The following FBXL13 variants were observed in gnomAD, a reference collection of about 807,000 sequenced individuals.
The protein encoded by FBXL13 is F-box and leucine-rich repeat protein 13.
Under a neutral mutation model 83.6 loss-of-function variants are expected in FBXL13, and 67 were observed. The observed-to-expected ratio is 0.80, with a 90% CI of 0.66 to 0.98. The LOEUF (loss-of-function observed/expected upper bound fraction) is 0.98, where lower values mean the gene tolerates loss of function less well. Ranked by LOEUF, FBXL13 falls within the 50% of genes least tolerant of loss-of-function variation. FBXL13 has a pLI of 0.00. For missense variants in FBXL13, 822 were observed against 866.5 expected, an observed-to-expected ratio of 0.95 and a Z score of 0.64; for synonymous variants, 272 against 299.5, an observed-to-expected ratio of 0.91 and a Z score of 0.95.
intron 1 of FBXL13, among the ~76,000 whole-genome samples, chr7:103,069,905 C>T (rs1309353859): frequency 2.6e-5 from 4 of 151,908 alleles, no homozygotes; most frequent in Non-Finnish European, 4.4e-5. Context: ...GGTGAAACCC[C>T]GTCTCTACTA....
intron 6 of FBXL13, among the ~76,000 whole-genome samples, chr7:102,995,089 A>G (rs1342304296): frequency 3.3e-5 from 5 of 152,030 alleles, no homozygotes; most frequent in Admixed American, 2.6e-4. Flanking sequence ...TGATCATGCT[A>G]TGGTTTGAGC....
chr7:102,999,270 C>G (rs1045770401), intron 6 of FBXL13, among the ~76,000 whole-genome samples: 1 of 152,038 alleles, frequency 6.6e-6, no homozygotes, highest in Non-Finnish European at 1.5e-5. Context: ...GGGATGAATC[C>G]TACTTGATCA....
intron 16 of FBXL13, among the ~76,000 whole-genome samples, chr7:102,870,219 T>C (rs1381233562): frequency 1.3e-5 from 2 of 152,234 alleles, no homozygotes; most frequent in African/African-American, 4.8e-5. Context: ...AACACTGCTC[T>C]AGGGAACTAT....
chr7:102,948,034 T>TGGCAAATC (rs1822806297), intron 8 of FBXL13, among the ~76,000 whole-genome samples: 1 of 152,184 alleles, frequency 6.6e-6, no homozygotes, highest in Admixed American at 6.5e-5. Flanking sequence ...TCTGGCAAAT[T>TGGCAAATC]GGCAAATCAA....
intron 11 of FBXL13, among the ~76,000 whole-genome samples, chr7:102,898,163 C>T (rs1812491340): frequency 6.6e-6 from 1 of 151,832 alleles, no homozygotes; most frequent in Non-Finnish European, 1.5e-5. Flanking sequence ...CCACTCGACT[C>T]CTATACACAC....
At chr7:102,835,650 C>A (rs966006930) in intron 17 of FBXL13, among the ~76,000 whole-genome samples, 1 of 112,228 alleles carries the variant, frequency 8.9e-6, no homozygotes, top group Non-Finnish European at 1.6e-5. Flanking sequence ...CGCTCTGTCG[C>A]CCAGGCTGGA....
At chr7:102,827,441 A>G (rs1305638513) in intron 18 of FBXL13, among the ~76,000 whole-genome samples, 1 of 152,158 alleles carries the variant, frequency 6.6e-6, no homozygotes, top group Non-Finnish European at 1.5e-5. Context: ...TGAGTTTGAG[A>G]GTGACTGGTT....
chr7:103,035,396 G>T (rs1233770714), intron 2 of FBXL13, among the ~76,000 whole-genome samples: 2 of 152,190 alleles, frequency 1.3e-5, no homozygotes, highest in Non-Finnish European at 2.9e-5. Context: ...AGTGAAATCT[G>T]GGATATTCCT....
chr7:103,016,079 T>C (rs759383720), intron 6 of FBXL13, among the ~76,000 whole-genome samples: 13 of 151,966 alleles, frequency 8.6e-5, no homozygotes, highest in East Asian at 1.9e-4. Flanking sequence ...AAAATGGCCA[T>C]ACTGCCCAAA....
At chr7:102,930,533 G>A (rs1740230133) in intron 9 of FBXL13, among the ~76,000 whole-genome samples, 1 of 152,152 alleles carries the variant, frequency 6.6e-6, no homozygotes, top group Non-Finnish European at 1.5e-5. Flanking sequence ...TGAAACTGTT[G>A]AAGCAATAAT....
chr7:103,016,731 G>A (rs562559112), intron 6 of FBXL13, among the ~76,000 whole-genome samples: 99 of 152,246 alleles, frequency 6.5e-4, no homozygotes, highest in African/African-American at 2.4e-3. Context: ...CTCATTGCTC[G>A]CACAGCAGTC....
intron 19 of FBXL13, among the ~76,000 whole-genome samples, chr7:102,821,645 A>G (rs975882136): frequency 6.6e-6 from 1 of 152,236 alleles, no homozygotes; most frequent in African/African-American, 2.4e-5. Context: ...TTATCAGGTC[A>G]GTTAAAATAC....
At chr7:103,074,411 A>C in exon 1 of FBXL13, 3 of 1,082,460 alleles carry the variant, frequency 2.8e-6, no homozygotes, top group Non-Finnish European at 3.4e-6. Context: ...TTAAAATCTG[A>C]GTTTGGGGTT....
At chr7:103,025,931 G>C (rs1045541259) in intron 5 of FBXL13, among the ~76,000 whole-genome samples, 1 of 150,992 alleles carries the variant, frequency 6.6e-6, no homozygotes, top group African/African-American at 2.4e-5. Flanking sequence ...ATGATTGTTA[G>C]GTCAATAAAT....
chr7:103,003,051 G>T (rs879633071), intron 6 of FBXL13, among the ~76,000 whole-genome samples: 6 of 151,852 alleles, frequency 4.0e-5, no homozygotes, highest in African/African-American at 7.3e-5. Flanking sequence ...CTCTTTAGAG[G>T]TTATTCTCTA....
intron 2 of FBXL13, among the ~76,000 whole-genome samples, chr7:103,037,216 C>A (rs1795160502): frequency 6.6e-6 from 1 of 152,124 alleles, no homozygotes; most frequent in Admixed American, 6.6e-5. Context: ...TATCAGATAA[C>A]AGTAATGTAC....
intron 13 of FBXL13, 36 bp downstream of exon 14, chr7:102,883,532 A>C (rs960455438): frequency 6.3e-7 from 1 of 1,585,906 alleles, no homozygotes; most frequent in African/African-American, 1.4e-5. Context: ...GTAAAAGTAA[A>C]CAATAATGCT....
Position 103,028,700 on chromosome 7 carries a change from T to C in FBXL13, c.117A>G (p.Glu39=), listed in dbSNP as rs1794196109. 3.1e-6 allele frequency: 5 copies of C among 1,602,896 alleles called. No individual in the cohort carries two copies. The South Asian group carries it at 3.4e-5, about 11-fold the overall frequency. The change falls in exon 4 of 20, where the codon GAA becomes GAG. Residue 39 remains glutamate (E), a synonymous_variant. Transcript: ENST00000313221. ...AGCATGTCACTGCTCTGTTCATTTT[T>C]TCAGCCAGGACGACATTTTCATTTG... is the stretch of plus-strand genomic sequence containing the variant.
intron 8 of FBXL13, 94 bp from the exon 10 acceptor site, chr7:102,932,027 A>G: frequency 6.9e-6 from 8 of 1,151,184 alleles, no homozygotes; most frequent in Non-Finnish European, 9.9e-6. Flanking sequence ...TATTCATTAG[A>G]AAACAAACAA....
Sources: gnomAD v4.1 joint callset for allele counts (sites outside exome capture counted in the v4.1 genomes callset) on GRCh38, gnomAD v4.1.1 for gene constraint, MANE v1.5 for transcripts, NCBI Gene and HGNC (gene_info 2026-07-23, HGNC 2026-07-21) for gene names.